PPP2R2B: variants seen among roughly 807,000 people sequenced by gnomAD.
The protein encoded by PPP2R2B is serine/threonine-protein phosphatase 2A 55 kDa regulatory subunit B beta isoform.
A neutral mutation model predicts 46.0 loss-of-function variants in PPP2R2B; 5 were observed. That is an observed-to-expected ratio of 0.11 (90% confidence interval 0.06 to 0.23). The LOEUF (loss-of-function observed/expected upper bound fraction) is 0.23. PPP2R2B is among the 10% of genes least tolerant of loss of function. The probability of loss-of-function intolerance (pLI) is 1.00; values close to 1 mark genes in which losing one functional copy is unlikely to be tolerated. For synonymous variants in PPP2R2B, 215 were observed against 206.7 expected (o/e 1.04, Z -0.34); for missense variants, 367 against 575.0 (o/e 0.64, Z 3.70).
chr5:147,063,276 G>T (rs1757321396), intron 2 of PPP2R2B, among the ~76,000 whole-genome samples: 1 of 152,114 alleles, frequency 6.6e-6, no homozygotes, highest in Non-Finnish European at 1.5e-5. Flanking sequence ...ATTTGCACGT[G>T]TGAAGATATA....
At chr5:146,689,637 C>A (rs1778718564) in intron 5 of PPP2R2B, among the ~76,000 whole-genome samples, 1 of 152,136 alleles carries the variant, frequency 6.6e-6, no homozygotes, top group Non-Finnish European at 1.5e-5. Flanking sequence ...CTGTCATATG[C>A]CCAAGGTCAC....
chr5:146,777,835 T>C (rs773327616), intron 2 of PPP2R2B, among the ~76,000 whole-genome samples: 2 of 152,202 alleles, frequency 1.3e-5, no homozygotes, highest in African/African-American at 2.4e-5. Context: ...GGTTAAATTG[T>C]TTGTATCAGT....
chr5:146,708,249 T>C (rs1779992337), intron 2 of PPP2R2B, among the ~76,000 whole-genome samples: 1 of 150,688 alleles, frequency 6.6e-6, no homozygotes, highest in Non-Finnish European at 1.5e-5. Context: ...CCCAGCTACT[T>C]GGGAGGCTGA....
At chr5:146,821,232 T>G (rs1290808232) in intron 2 of PPP2R2B, among the ~76,000 whole-genome samples, 1 of 152,136 alleles carries the variant, frequency 6.6e-6, no homozygotes, top group Admixed American at 6.5e-5. Flanking sequence ...ATTGCACAAA[T>G]CCTCAAATAC....
chr5:146,701,862 A>G (rs938305954), intron 2 of PPP2R2B, among the ~76,000 whole-genome samples: 4 of 152,200 alleles, frequency 2.6e-5, no homozygotes, highest in African/African-American at 7.2e-5. Flanking sequence ...AACTCAGATC[A>G]CAGATAATTG....
chr5:146,672,983 C>A (rs959968185), intron 5 of PPP2R2B, among the ~76,000 whole-genome samples: 1 of 152,188 alleles, frequency 6.6e-6, no homozygotes, highest in Non-Finnish European at 1.5e-5. Context: ...TGCAGGGAAG[C>A]TAAGTTTACA....
intron 1 of PPP2R2B, among the ~76,000 whole-genome samples, chr5:146,951,431 T>C (rs187681221): frequency 1.3e-5 from 2 of 152,124 alleles, no homozygotes; most frequent in African/African-American, 4.8e-5. Context: ...CCATGGTGAT[T>C]TGCTGCACCT....
intron 1 of PPP2R2B, among the ~76,000 whole-genome samples, chr5:146,941,495 A>G (rs2151829406): frequency 6.6e-6 from 1 of 152,284 alleles, no homozygotes; most frequent in African/African-American, 2.4e-5. Context: ...CCCTTGAAAA[A>G]TGATGCTTCT....
chr5:147,003,094 G>A (rs185202250), intron 1 of PPP2R2B, among the ~76,000 whole-genome samples: 5 of 152,220 alleles, frequency 3.3e-5, no homozygotes, highest in Admixed American at 1.3e-4. Flanking sequence ...TACGAGGGAA[G>A]GCAAATGGAG....
At chr5:146,847,034 T>A (rs1760052595) in intron 2 of PPP2R2B, among the ~76,000 whole-genome samples, 1 of 152,198 alleles carries the variant, frequency 6.6e-6, no homozygotes, top group Non-Finnish European at 1.5e-5. Flanking sequence ...TCATATAATT[T>A]TAGAATCATT....
At chr5:146,950,804 A>G (rs1182685321) in intron 1 of PPP2R2B, among the ~76,000 whole-genome samples, 3 of 152,092 alleles carry the variant, frequency 2.0e-5, no homozygotes, top group Admixed American at 1.3e-4. Context: ...GGTTTACATG[A>G]ACAAATTAAT....
At chr5:147,031,281 TTAGA>T (rs571460463) in intron 1 of PPP2R2B, among the ~76,000 whole-genome samples, 80 of 152,156 alleles carry the variant, frequency 5.3e-4, no homozygotes, top group Non-Finnish European at 1.3e-4. Context: ...GGTTATTTTA[TTAGA>T]TAGAGCATTC....
At chr5:147,032,839 C>T (rs558442946) in intron 1 of PPP2R2B, among the ~76,000 whole-genome samples, 22 of 152,234 alleles carry the variant, frequency 1.4e-4, no homozygotes, top group African/African-American at 4.6e-4. Context: ...GTATCTTTTT[C>T]GAATAATGAC....
At chr5:147,081,257 CA>C in exon 1 of PPP2R2B, 2 of 1,535,596 alleles carry the variant, frequency 1.3e-6, no homozygotes, top group Non-Finnish European at 1.7e-6. Context: ...ACTTGCACAC[CA>C]GGTATCATCT....
At chr5:146,830,845 G>A (rs187860886) in intron 2 of PPP2R2B, among the ~76,000 whole-genome samples, 1 of 152,220 alleles carries the variant, frequency 6.6e-6, no homozygotes, top group Admixed American at 6.5e-5. Flanking sequence ...ATTTCACAAA[G>A]CGATTGTGGT....
intron 2 of PPP2R2B, among the ~76,000 whole-genome samples, chr5:146,746,645 C>A (rs1345086339): frequency 6.6e-6 from 1 of 152,190 alleles, no homozygotes; most frequent in Non-Finnish European, 1.5e-5. Context: ...CCTTGCGCTA[C>A]CCCTGCTATC....
intron 1 of PPP2R2B, among the ~76,000 whole-genome samples, chr5:146,988,979 C>T (rs934369720): frequency 4.0e-5 from 6 of 151,862 alleles, no homozygotes; most frequent in South Asian, 2.1e-4. Flanking sequence ...AACAACTACA[C>T]GTAAATAAAT....
intron 2 of PPP2R2B, among the ~76,000 whole-genome samples, chr5:146,816,282 G>A (rs1334006224): frequency 1.3e-5 from 2 of 152,066 alleles, no homozygotes; most frequent in Non-Finnish European, 2.9e-5. Context: ...GCACAAGCCT[G>A]TAATTTTAGC....
rs139369811 is a variant in PPP2R2B at position 146,978,374 on chromosome 5, A to G, written c.79+77291T>C. Among the ~76,000 whole-genome samples the G allele has an allele frequency of 5.2e-3, 797 of 152,236 alleles. 3 individuals carry two copies. The highest frequency in any genetic ancestry group is 0.018 in the African/African-American group (755 of 41,538). ...TGCTGTGCAGAAGCTCTTTAGGTTA[A>G]TTAGATCCCATTTGTCAATTTTGGC... On this transcript the variant is annotated intron_variant, in intron 1 of 8. Coordinates refer to the PPP2R2B transcript ENST00000336640.
Sources: gnomAD v4.1 joint callset for allele counts (sites outside exome capture counted in the v4.1 genomes callset) on GRCh38, gnomAD v4.1.1 for gene constraint, MANE v1.5 for transcripts, NCBI Gene and HGNC (gene_info 2026-07-23, HGNC 2026-07-21) for gene names.